The following MGA variants were observed in gnomAD, a reference collection of about 807,000 sequenced individuals.
MGA encodes MAX gene-associated protein.
MGA carries 40 observed loss-of-function variants against 261.1 expected under a neutral mutation model. The ratio of observed to expected loss-of-function variants is 0.15; its 90% CI spans 0.12 to 0.20. The LOEUF is 0.20. Among genes scored for constraint, MGA ranks in the 10% least tolerant of loss-of-function variants. MGA has a pLI of 1.00. For synonymous variants in MGA, 1,302 were observed against 1,290.6 expected, an observed-to-expected ratio of 1.01 and a Z score of -0.19; for missense variants, 3,397 against 3,630.5, an observed-to-expected ratio of 0.94 and a Z score of 1.65.
chr15:41,682,401 C>T (rs2058732273), intron 2 of MGA, among the ~76,000 whole-genome samples: 1 of 152,176 alleles, frequency 6.6e-6, no homozygotes, highest in South Asian at 2.1e-4. Flanking sequence ...TAGGCCCCTA[C>T]CAAGCTGCCA....
chr15:41,696,176 A>T lies in MGA; in HGVS notation c.1166A>T (p.Tyr389Phe), dbSNP rs1566988909. 1 of 1,613,982 alleles carries T rather than the reference A, an allele frequency of 6.2e-7. No homozygotes were observed. The highest frequency in any genetic ancestry group is 8.5e-7 in the Non-Finnish European group (1 of 1,179,894). ...ATTAAAGAGGAACCTCTAGATGATTATGACTACGAACTTGGTGAGTGCCCA... is the reference window on the plus strand; with the variant it reads ...ATTAAAGAGGAACCTCTAGATGATTTTGACTACGAACTTGGTGAGTGCCCA... Residue 389 changes from tyrosine to phenylalanine, a missense_variant, in exon 3 of 24, where the codon TAT (tyrosine) becomes TTT (phenylalanine). Physicochemically the swap from Tyr to Phe is conservative, Grantham distance 22 (BLOSUM62 3). Transcript: ENST00000219905.
chr15:41,644,346 C>CA (rs34743222), intron 1 of MGA, among the ~76,000 whole-genome samples: 3,015 of 65,332 alleles, frequency 0.046, 84 homozygotes, highest in African/African-American at 0.098. Flanking sequence ...CCATCTGTAC[C>CA]AAAAAAAAAA....
chr15:41,714,457 A>G (rs1814717685), intron 9 of MGA, among the ~76,000 whole-genome samples: 1 of 152,208 alleles, frequency 6.6e-6, no homozygotes, highest in Admixed American at 6.5e-5. Context: ...AAACATTTGT[A>G]GATGTCACTA....
In MGA at chr15:41,729,027, G is replaced by A. The variant is rs1044716631; in HGVS notation, c.3658-137G>A. On this transcript the variant is annotated intron_variant, in intron 10 of 23. Coordinates refer to ENST00000219905, the MANE Select transcript of MGA (RefSeq NM_001164273.2). ...GGTTCGGCACATATGAACTGTACTT[G>A]TGCTGTTTGATTTGAAAGTTTGCAT... 35 of 832,674 alleles carry A rather than the reference G, an allele frequency of 4.2e-5. No individual in the cohort carries two copies. The Admixed American group carries it at 8.6e-4, about 21-fold the overall frequency. 51.6% of individuals were successfully genotyped at this position (832,674 alleles called of 1,614,324 possible).
At chr15:41,684,388 GC>G (rs1401775409) in intron 2 of MGA, 1 of 452,966 alleles carries the variant, frequency 2.2e-6, no homozygotes. Context: ...CATTGATTTT[GC>G]CTAGGTATTC....
chr15:41,717,970 A>G (rs1302604984), intron 9 of MGA, among the ~76,000 whole-genome samples: 1 of 151,644 alleles, frequency 6.6e-6, no homozygotes, highest in Non-Finnish European at 1.5e-5. Flanking sequence ...ATTACAGTGG[A>G]CTTAAAAAAA....
At position 41,740,171 on chromosome 15, in the gene MGA, T is replaced by C; in HGVS notation, c.4553T>C (p.Leu1518Pro). ...GCAACAAATCGCCCTGGGAAGAATC[T>C]GAAGGCGTTTGTCCCAGCAAAACGG... is the stretch of plus-strand genomic sequence containing the variant. Residue 1518 changes from leucine to proline, a missense_variant, in exon 14 of 24, where the codon CTG becomes CCG. This residue lies in a region of MGA where 1,410 missense variants were observed against 1,386.4 expected (regional missense o/e 1.02). Transcript: ENST00000219905. The C allele has an allele frequency of 6.2e-7, 1 of 1,613,986 alleles. No homozygotes were observed. The highest frequency in any genetic ancestry group is 1.1e-5 in the South Asian group (1 of 91,084).
chr15:41,742,538 G>C lies in MGA; in HGVS notation c.4586-8G>C. 6.2e-7 allele frequency: 1 copy of C among 1,607,560 alleles called. No individual in the cohort carries two copies. Among genetic ancestry groups the C allele is most frequent in the Non-Finnish European group, 8.5e-7 (1 of 1,176,290 alleles). ...GAAGATTTTTGACCTGCAAATTTCT[G>C]TTTGCAGCGGCTCGACCCTCTCCTG... On this transcript the variant is annotated splice_region_variant and splice_polypyrimidine_tract_variant and intron_variant, in intron 14 of 23. Coordinates refer to ENST00000219905, the MANE Select transcript of MGA (RefSeq NM_001164273.2).
intron 2 of MGA, among the ~76,000 whole-genome samples, chr15:41,688,224 C>T (rs1487887723): frequency 1.3e-5 from 2 of 152,120 alleles, no homozygotes; most frequent in African/African-American, 2.4e-5. Flanking sequence ...TACTGGCACA[C>T]ACTGCCATGC....
rs1334941787 is a variant in MGA at position 41,673,812 on chromosome 15, G to A, written c.1064+3854G>A. 2.0e-5 allele frequency among the ~76,000 whole-genome samples: 3 copies of A among 151,928 alleles called. No individual in the cohort carries two copies. In the East Asian group the frequency reaches 5.8e-4, roughly 29 times the overall value. ...CCTGCCTCAACCTCCCAAAGTGCTG[G>A]AATTACAGGCGTGAGCTACCCCATC... On this transcript the variant is annotated intron_variant, in intron 2 of 23. Transcript: ENST00000219905.
intron 1 of MGA, among the ~76,000 whole-genome samples, chr15:41,666,540 C>T (rs1386215466): frequency 6.6e-6 from 1 of 152,152 alleles, no homozygotes; most frequent in Non-Finnish European, 1.5e-5. Flanking sequence ...ATGCAGTAGA[C>T]TCATGTAAAC....
At position 41,766,383 on chromosome 15, in the gene MGA, A is replaced by T; in HGVS notation, c.8301A>T (p.Arg2767Ser). Residue 2767 changes from arginine to serine, a missense_variant, in exon 24 of 24, where the codon AGA becomes AGT. By Grantham distance (110) the Arg-to-Ser change is moderately radical (BLOSUM62 -1). Transcript: ENST00000219905. ...AAGAGAGTGAATCAAGAGGGGAGAG[A>T]GTGAAGTCAAAGGATTCTTCATTTC... is the stretch of plus-strand genomic sequence containing the variant. 6.2e-7 allele frequency: 1 copy of T among 1,613,952 alleles called. No individual in the cohort carries two copies. The highest frequency in any genetic ancestry group is 2.2e-5 in the East Asian group (1 of 44,888).
At chr15:41,765,594 T>C (rs2152040159) in intron 23 of MGA, among the ~76,000 whole-genome samples, 1 of 152,350 alleles carries the variant, frequency 6.6e-6, no homozygotes, top group Non-Finnish European at 1.5e-5. Flanking sequence ...CAAAATTCCT[T>C]GTCTCTACCT....
At chr15:41,754,296 A>G (rs1567091940) in intron 17 of MGA, 141 bp from the exon 18 acceptor site, 1 of 668,156 alleles carries the variant, frequency 1.5e-6, no homozygotes, top group Admixed American at 3.6e-5. Flanking sequence ...TATTATGACT[A>G]ACAATCTTAG....
Position 41,696,358 on chromosome 15 carries a change from C to G in MGA, c.1348C>G (p.Pro450Ala), listed in dbSNP as rs756182913. Residue 450 changes from proline (P) to alanine (A), a missense_variant, in exon 3 of 24, where the codon CCA (proline) becomes GCA (alanine). Pro to Ala is a conservative substitution (Grantham distance 27). Transcript: ENST00000219905. ...ATCTTCTAAATGGCTTCCAAGCAGC[C>G]CATCAGGTGTTGCTAAAGCTAAAAT... The G allele has an allele frequency of 6.2e-7, 1 of 1,613,918 alleles. No homozygotes were observed. The highest frequency in any genetic ancestry group is 8.5e-7 in the Non-Finnish European group (1 of 1,179,894).
At chr15:41,692,756 G>C (rs2059350909) in intron 2 of MGA, among the ~76,000 whole-genome samples, 1 of 152,174 alleles carries the variant, frequency 6.6e-6, no homozygotes. Flanking sequence ...CTGTCACCCA[G>C]GCTGGAGTGC....
intron 20 of MGA, 28 bp downstream of exon 20, chr15:41,760,557 G>T (rs762739784): frequency 1.4e-5 from 22 of 1,604,828 alleles, no homozygotes; most frequent in Middle Eastern, 1.7e-4. Flanking sequence ...ATGACAGTAA[G>T]AGCTTGACTA....
chr15:41,666,601 CT>C (rs1165070102), intron 1 of MGA, among the ~76,000 whole-genome samples: 1 of 152,168 alleles, frequency 6.6e-6, no homozygotes, highest in Non-Finnish European at 1.5e-5. Context: ...CAATAAAAAA[CT>C]TTTAAAAGAT....
Position 41,755,117 on chromosome 15 carries a change from A to C in MGA, c.7139+550A>C, listed in dbSNP as rs114751621. On this transcript the variant is annotated intron_variant, in intron 18 of 23. Coordinates refer to ENST00000219905, the MANE Select transcript of MGA (RefSeq NM_001164273.2). ...AGATGAAAATATGAAAGGAATGATG[A>C]CTTGCTCAGGAAAATTTATTTCATT... Among the ~76,000 whole-genome samples the C allele has an allele frequency of 5.7e-3, 864 of 152,276 alleles. 7 individuals are homozygous for C. Among genetic ancestry groups the C allele is most frequent in the African/African-American group, 0.02 (828 of 41,550 alleles).
Sources: gnomAD v4.1 joint callset for allele counts (sites outside exome capture counted in the v4.1 genomes callset) on GRCh38, gnomAD v4.1.1 for gene constraint, gnomAD v4.1.1 regional missense constraint, MANE v1.5 for transcripts, NCBI Gene and HGNC (gene_info 2026-07-23, HGNC 2026-07-21) for gene names.